TMEM232: variants seen among roughly 807,000 people sequenced by gnomAD.
TMEM232 encodes transmembrane protein 232.
Under a neutral mutation model 78.8 loss-of-function variants are expected in TMEM232, and 80 were observed. The observed-to-expected ratio is 1.01, with a 90% CI of 0.85 to 1.22. The LOEUF (loss-of-function observed/expected upper bound fraction) is 1.22, where lower values mean the gene tolerates loss of function less well. Among genes scored for constraint, TMEM232 ranks in the 50% most tolerant of loss-of-function variants. TMEM232 has a pLI of 0.00. For synonymous variants in TMEM232, 297 were observed against 254.3 expected (o/e 1.17, Z -1.60); for missense variants, 881 against 742.2 (o/e 1.19, Z -2.17).
At chr5:110,529,918 G>A (rs529126372) in intron 11 of TMEM232, among the ~76,000 whole-genome samples, 1 of 152,018 alleles carries the variant, frequency 6.6e-6, no homozygotes, top group Non-Finnish European at 1.5e-5. Flanking sequence ...TCCTTTTCTT[G>A]TAAATAAGTC....
chr5:110,479,817 T>C (rs879396292), intron 12 of TMEM232, among the ~76,000 whole-genome samples: 14 of 151,868 alleles, frequency 9.2e-5, no homozygotes, highest in East Asian at 3.9e-4. Flanking sequence ...ATGTAGTCAA[T>C]TGATGTATCC....
chr5:110,471,221 G>A (rs774360971), intron 12 of TMEM232, among the ~76,000 whole-genome samples: 1 of 152,030 alleles, frequency 6.6e-6, no homozygotes, highest in African/African-American at 2.4e-5. Flanking sequence ...AAAAACATAA[G>A]AATGAAAAAC....
At chr5:110,630,212 G>A (rs1784940714) in intron 5 of TMEM232, among the ~76,000 whole-genome samples, 1 of 152,164 alleles carries the variant, frequency 6.6e-6, no homozygotes, top group Non-Finnish European at 1.5e-5. Context: ...TAAAGAGCAA[G>A]CTTTAAAAAT....
intron 12 of TMEM232, among the ~76,000 whole-genome samples, chr5:110,526,968 C>T (rs1770698998): frequency 6.6e-6 from 1 of 151,694 alleles, no homozygotes; most frequent in African/African-American, 2.4e-5. Flanking sequence ...ATTATGTTTA[C>T]TATGCTAATT....
chr5:110,715,234 T>C (rs974838539), intron 1 of TMEM232, among the ~76,000 whole-genome samples: 4 of 151,796 alleles, frequency 2.6e-5, no homozygotes, highest in African/African-American at 9.7e-5. Context: ...AGGTCATTCA[T>C]GAAGGAGCGA....
At chr5:110,553,359 T>G (rs1209086088) in intron 11 of TMEM232, among the ~76,000 whole-genome samples, 5 of 152,220 alleles carry the variant, frequency 3.3e-5, no homozygotes, top group East Asian at 1.9e-4. Context: ...ATTGTATCCA[T>G]GAGTGTGAAA....
At chr5:110,675,080 C>T (rs1224436404) in intron 1 of TMEM232, among the ~76,000 whole-genome samples, 5 of 151,816 alleles carry the variant, frequency 3.3e-5, no homozygotes, top group African/African-American at 1.2e-4. Flanking sequence ...CTTCCTCTGT[C>T]ACCCAGGCTG....
chr5:110,557,681 C>T (rs1775265069), intron 11 of TMEM232, among the ~76,000 whole-genome samples: 1 of 152,114 alleles, frequency 6.6e-6, no homozygotes, highest in Admixed American at 6.6e-5. Flanking sequence ...GTTCTACACA[C>T]TTTTAAACAA....
intron 12 of TMEM232, among the ~76,000 whole-genome samples, chr5:110,469,993 C>A (rs1360105002): frequency 6.6e-6 from 1 of 152,084 alleles, no homozygotes. Flanking sequence ...GGAACCCCAG[C>A]AACAGCCATA....
rs115813946 is a variant in TMEM232 at position 110,498,771 on chromosome 5, G to C, written c.1703+29817C>G. Among the ~76,000 whole-genome samples, 4 of 152,214 alleles carry C rather than the reference G, an allele frequency of 2.6e-5. No homozygotes were observed. In the East Asian group the frequency reaches 7.8e-4, roughly 30 times the overall value. ...TCTAGAGCAGATGGAAATTAACAGA[G>C]CAAGTCCCAGAAAGCAGGACTTTCT... On this transcript the variant is annotated intron_variant, in intron 12 of 13. Transcript: ENST00000455884.
intron 10 of TMEM232, among the ~76,000 whole-genome samples, chr5:110,599,311 C>G (rs1780593184): frequency 6.6e-6 from 1 of 152,108 alleles, no homozygotes; most frequent in Non-Finnish European, 1.5e-5. Context: ...ATCAAATTCA[C>G]ACATAACAAT....
At chr5:110,721,677 A>ATATATATATATATATATATATATATATC (rs1420011557) in intron 1 of TMEM232, among the ~76,000 whole-genome samples, 6 of 118,736 alleles carry the variant, frequency 5.1e-5, no homozygotes, top group South Asian at 2.8e-4. Context: ...GTGTGTGTAT[A>ATATATATATATATATATATATATATATC]TATATATCTG....
Position 110,586,568 on chromosome 5 carries a change from TCACACA to T in TMEM232, c.1277-17949_1277-17944del, listed in dbSNP as rs61213708. On this transcript the variant is annotated intron_variant, in intron 10 of 13. Transcript: ENST00000455884. ...AAGGCATATTTCCATACACACCCTT[TCACACA>T]CACACACACACACACACACAATTAC... Among the ~76,000 whole-genome samples, 455 of 148,492 alleles carry T rather than the reference TCACACA, an allele frequency of 3.1e-3. 5 individuals are homozygous for T. The highest frequency in any genetic ancestry group is 4.5e-3 in the Non-Finnish European group (297 of 66,576).
At chr5:110,594,069 G>T (rs1252403752) in intron 10 of TMEM232, among the ~76,000 whole-genome samples, 1 of 152,046 alleles carries the variant, frequency 6.6e-6, no homozygotes, top group Non-Finnish European at 1.5e-5. Context: ...AACCAACGCA[G>T]AAGGTGGGTG....
At chr5:110,559,619 A>T (rs1316513656) in intron 11 of TMEM232, among the ~76,000 whole-genome samples, 1 of 152,188 alleles carries the variant, frequency 6.6e-6, no homozygotes, top group Non-Finnish European at 1.5e-5. Context: ...TAAAACTACA[A>T]TGAAAGCTAT....
chr5:110,426,901 AG>A (rs1757301808), intron 12 of TMEM232, among the ~76,000 whole-genome samples: 1 of 152,060 alleles, frequency 6.6e-6, no homozygotes. Flanking sequence ...TAAGGTTAAA[AG>A]TGTTCAAGCA....
chr5:110,476,674 T>C (rs1763290309), intron 12 of TMEM232, among the ~76,000 whole-genome samples: 1 of 152,054 alleles, frequency 6.6e-6, no homozygotes, highest in Non-Finnish European at 1.5e-5. Flanking sequence ...CTATGAATAA[T>C]CATGGTAATG....
intron 1 of TMEM232, among the ~76,000 whole-genome samples, chr5:110,721,444 G>A (rs1028950476): frequency 4.0e-5 from 6 of 151,172 alleles, no homozygotes; most frequent in African/African-American, 9.7e-5. Context: ...TTCTGATAAC[G>A]GACATTCAGT....
At chr5:110,566,318 A>G (rs1459035446) in intron 11 of TMEM232, among the ~76,000 whole-genome samples, 1 of 151,816 alleles carries the variant, frequency 6.6e-6, no homozygotes, top group Non-Finnish European at 1.5e-5. Context: ...TCCTGGACAC[A>G]TTTTCCCTTT....
Sources: gnomAD v4.1 joint callset for allele counts (sites outside exome capture counted in the v4.1 genomes callset) on GRCh38, gnomAD v4.1.1 for gene constraint, MANE v1.5 for transcripts, NCBI Gene and HGNC (gene_info 2026-07-23, HGNC 2026-07-21) for gene names.